Variants in CNTRL observed in about 807,000 individuals in gnomAD.
The protein encoded by CNTRL is centriolin.
A neutral mutation model predicts 303.7 loss-of-function variants in CNTRL; 233 were observed. That is an observed-to-expected ratio of 0.77 (90% CI 0.69 to 0.86). CNTRL has a LOEUF of 0.86. Ranked by LOEUF, CNTRL falls within the 40% of genes least tolerant of loss-of-function variation. CNTRL has a pLI of 0.00. For synonymous variants in CNTRL, 900 were observed against 922.2 expected, an observed-to-expected ratio of 0.98 and a Z score of 0.44; for missense variants, 2,524 against 2,650.6, an observed-to-expected ratio of 0.95 and a Z score of 1.05.
At chr9:121,131,513 A>G (rs549853047) in intron 14 of CNTRL, among the ~76,000 whole-genome samples, 11 of 151,880 alleles carry the variant, frequency 7.2e-5, no homozygotes, top group Middle Eastern at 3.4e-3. Context: ...TTTATTTTGA[A>G]CCTATGTGTG....
chr9:121,158,505 T>G lies in CNTRL; in HGVS notation c.4765-350T>G, dbSNP rs938895407. 170 of 232,382 alleles carry G rather than the reference T, an allele frequency of 7.3e-4. 3 individuals carry two copies. The highest frequency in any genetic ancestry group is 1.7e-5 in the Non-Finnish European group (2 of 119,704). The allele number at this position is 232,382 out of a possible 1,614,324, so 14.4% of individuals were successfully genotyped here. On this transcript the variant is annotated intron_variant, in intron 30 of 43. Transcript: ENST00000373855. ...TTTAAAATTGCAACGAATTTTTAAT[T>G]TTAAAAATGAATACATTTTAAAAAT... is the stretch of plus-strand genomic sequence containing the variant.
chr9:121,160,362 T>A, intron 32 of CNTRL, 60 bp downstream of exon 32: 1 of 1,245,318 alleles, frequency 8.0e-7, no homozygotes, highest in African/African-American at 1.5e-5. Flanking sequence ...GTATTACAAG[T>A]CACAGAAAAA....
At chr9:121,079,078 G>C (rs1477541989) in intron 1 of CNTRL, among the ~76,000 whole-genome samples, 1 of 152,126 alleles carries the variant, frequency 6.6e-6, no homozygotes, top group Non-Finnish European at 1.5e-5. Flanking sequence ...GCCTAGAGGT[G>C]GCTAGCCATC....
chr9:121,153,141 C>T (rs1040357974), intron 26 of CNTRL, among the ~76,000 whole-genome samples: 3 of 152,172 alleles, frequency 2.0e-5, no homozygotes, highest in African/African-American at 7.2e-5. Flanking sequence ...GTCATCTCCC[C>T]TTCTCTAGCT....
At chr9:121,100,235 G>T (rs1247187760) in intron 7 of CNTRL, among the ~76,000 whole-genome samples, 1 of 152,248 alleles carries the variant, frequency 6.6e-6, no homozygotes, top group Non-Finnish European at 1.5e-5. Flanking sequence ...CAAGCCAGAA[G>T]AGAGTAGGGG....
rs1019626720 is a variant in CNTRL, at chr9:121,088,220, C to A, written c.-31-76C>A. On this transcript the variant is annotated intron_variant, in intron 2 of 43. Coordinates refer to ENST00000373855, the MANE Select transcript of CNTRL (RefSeq NM_007018.6). ...GCCTCTGAGTTTATAACTTTATAGA[C>A]CTGAAGGTTCTAGAAAGAATAGTTT... 20 of 710,276 alleles carry A rather than the reference C, an allele frequency of 2.8e-5. No individual in the cohort carries two copies. In the Admixed American group the frequency reaches 3.2e-4, roughly 12 times the overall value. 44.0% of individuals were successfully genotyped at this position (710,276 alleles called of 1,614,324 possible). A position where few individuals can be genotyped will look rare whatever the true frequency, so the allele number is the denominator to read the frequency against.
At chr9:121,168,597 A>G (rs1263023523) in intron 38 of CNTRL, among the ~76,000 whole-genome samples, 2 of 152,190 alleles carry the variant, frequency 1.3e-5, no homozygotes, top group African/African-American at 4.8e-5. Flanking sequence ...ATAATTGCCA[A>G]AAGATACTCT....
In CNTRL at chr9:121,115,340, G is replaced by A. The variant is rs1405953161; in HGVS notation, c.1455+140G>A. On this transcript the variant is annotated intron_variant, in intron 11 of 43. Transcript: ENST00000373855. Reference sequence around the variant, plus strand: ...ATGATAAATTTCAGAGTCAAATATGGTTCTAGAATTTGCCAATTGTAATTT... The same window carrying A: ...ATGATAAATTTCAGAGTCAAATATGATTCTAGAATTTGCCAATTGTAATTT... The A allele has an allele frequency of 1.8e-5, 9 of 488,918 alleles. No homozygotes were observed. The South Asian group carries it at 3.5e-4, about 19-fold the overall frequency. The allele number at this position is 488,918 out of a possible 1,614,324, so 30.3% of individuals were successfully genotyped here.
At chr9:121,098,619 T>A in intron 7 of CNTRL, 47 bp downstream of exon 7, 1 of 1,220,120 alleles carries the variant, frequency 8.2e-7, no homozygotes, top group Non-Finnish European at 1.1e-6. Flanking sequence ...GGGAGGAATT[T>A]ATTTTCAGAA....
chr9:121,140,650 A>C lies in CNTRL; in HGVS notation c.2347A>C (p.Asn783His). 6.2e-7 allele frequency: 1 copy of C among 1,610,010 alleles called. No individual in the cohort carries two copies. Among genetic ancestry groups the C allele is most frequent in the Non-Finnish European group, 8.5e-7 (1 of 1,177,434 alleles). The change falls in exon 17 of 44, where the codon AAT (asparagine) becomes CAT (histidine). Residue 783 changes from asparagine to histidine, a missense_variant. Transcript: ENST00000373855. The part of the protein sequence containing the change: ...AKLKHLQDDN[N>H]LLKQQLKDFQ... ...TCATCCCCCTCCATAGGATGACAAT[A>C]ATCTGTTAAAACAGCAACTTAAAGA...
chr9:121,138,998 G>A (rs939584492), intron 16 of CNTRL, among the ~76,000 whole-genome samples: 8 of 152,148 alleles, frequency 5.3e-5, no homozygotes, highest in Non-Finnish European at 7.4e-5. Context: ...TTTGTCACCA[G>A]ACCAAACTAA....
At chr9:121,095,211 A>C (rs565066112) in intron 5 of CNTRL, among the ~76,000 whole-genome samples, 193 bp downstream of exon 5, 2 of 152,304 alleles carry the variant, frequency 1.3e-5, no homozygotes, top group African/African-American at 4.8e-5. Context: ...GCATTACTGA[A>C]GTACAGAATA....
At chr9:121,095,516 A>C (rs2048852072) in intron 5 of CNTRL, among the ~76,000 whole-genome samples, 1 of 152,192 alleles carries the variant, frequency 6.6e-6, no homozygotes, top group Non-Finnish European at 1.5e-5. Context: ...ACTGGCTAAA[A>C]CTTCATATAG....
At chr9:121,095,751 C>T (rs1057388514) in intron 5 of CNTRL, among the ~76,000 whole-genome samples, 2 of 151,930 alleles carry the variant, frequency 1.3e-5, no homozygotes, top group Non-Finnish European at 2.9e-5. Flanking sequence ...ATATTTTCAG[C>T]AAAATAAAAT....
chr9:121,079,187 C>A (rs1330942424), intron 1 of CNTRL, among the ~76,000 whole-genome samples: 1 of 152,022 alleles, frequency 6.6e-6, no homozygotes, highest in Non-Finnish European at 1.5e-5. Context: ...AGACTTTTTT[C>A]CATGGCAAAA....
At chr9:121,164,906 T>C (rs967179752) in intron 34 of CNTRL, 37 bp from the exon 35 acceptor site, 5 of 1,569,968 alleles carry the variant, frequency 3.2e-6, no homozygotes, top group Non-Finnish European at 4.3e-6. Context: ...CTGTGTGTGC[T>C]TGTATATTTG....
chr9:121,123,111 T>TA (rs1416332368), intron 12 of CNTRL, among the ~76,000 whole-genome samples: 2 of 152,222 alleles, frequency 1.3e-5, no homozygotes, highest in Non-Finnish European at 2.9e-5. Flanking sequence ...AAAAAGGCAT[T>TA]ACTTATCTAC....
chr9:121,090,428 G>A, intron 4 of CNTRL, 23 bp downstream of exon 4: 1 of 1,599,802 alleles, frequency 6.3e-7, no homozygotes, highest in East Asian at 2.2e-5. Context: ...CAATTTCTGA[G>A]CATAGATACT....
chr9:121,081,408 A>AATTGT (rs2048135759), intron 2 of CNTRL, among the ~76,000 whole-genome samples: 1 of 152,194 alleles, frequency 6.6e-6, no homozygotes, highest in Non-Finnish European at 1.5e-5. Flanking sequence ...TTCAATTCTG[A>AATTGT]CACTGTCTGC....
Sources: gnomAD v4.1 joint callset for allele counts (sites outside exome capture counted in the v4.1 genomes callset) on GRCh38, gnomAD v4.1.1 for gene constraint, MANE v1.5 for transcripts, NCBI Gene and HGNC (gene_info 2026-07-23, HGNC 2026-07-21) for gene names.